Variants in NTM observed in about 807,000 individuals in gnomAD.
The protein encoded by NTM is IgLON family member 2.
In NTM, 13 loss-of-function variants were observed where a neutral mutation model predicts 42.1. That is an observed-to-expected ratio of 0.31 (90% CI 0.20 to 0.49). The LOEUF (loss-of-function observed/expected upper bound fraction) is 0.49. Among genes scored for constraint, NTM ranks in the 20% least tolerant of loss-of-function variants. The pLI is 0.99. For synonymous variants in NTM, 187 were observed against 179.2 expected, an observed-to-expected ratio of 1.04 and a Z score of -0.35; for missense variants, 373 against 452.8, an observed-to-expected ratio of 0.82 and a Z score of 1.60.
At chr11:131,403,752 A>G (rs1469653300) in intron 1 of NTM, among the ~76,000 whole-genome samples, 2 of 152,192 alleles carry the variant, frequency 1.3e-5, no homozygotes, top group Non-Finnish European at 2.9e-5. Context: ...TGAATGACTC[A>G]TATTTCATTG....
At chr11:131,671,002 C>T (rs569398326) in intron 1 of NTM, among the ~76,000 whole-genome samples, 1 of 152,262 alleles carries the variant, frequency 6.6e-6, no homozygotes, top group African/African-American at 2.4e-5. Flanking sequence ...TCGGCAGAGG[C>T]TCCCCTCTTC....
chr11:131,585,028 T>C (rs1409711161), intron 1 of NTM, among the ~76,000 whole-genome samples: 1 of 152,220 alleles, frequency 6.6e-6, no homozygotes, highest in Non-Finnish European at 1.5e-5. Context: ...AGTGACGTTC[T>C]GTTTTGTTCT....
At chr11:131,545,044 A>G (rs1246642765) in intron 1 of NTM, among the ~76,000 whole-genome samples, 1 of 152,114 alleles carries the variant, frequency 6.6e-6, no homozygotes, top group Non-Finnish European at 1.5e-5. Context: ...CAAGGGTAAT[A>G]TGTCTTCTAT....
At chr11:131,477,602 C>T (rs1953090331) in intron 1 of NTM, among the ~76,000 whole-genome samples, 1 of 151,832 alleles carries the variant, frequency 6.6e-6, no homozygotes, top group South Asian at 2.1e-4. Flanking sequence ...TCATATCCAC[C>T]CTGTTCTCCT....
chr11:131,741,899 A>G (rs563700467), intron 1 of NTM, among the ~76,000 whole-genome samples: 2 of 152,316 alleles, frequency 1.3e-5, no homozygotes, highest in African/African-American at 4.8e-5. Flanking sequence ...TAGCCATAAT[A>G]AGGACTGAGA....
chr11:131,407,759 C>T (rs1345100819), intron 1 of NTM, among the ~76,000 whole-genome samples: 1 of 152,196 alleles, frequency 6.6e-6, no homozygotes, highest in South Asian at 2.1e-4. Context: ...GGCTTTGCAG[C>T]TGGAACCAGG....
intron 4 of NTM, among the ~76,000 whole-genome samples, chr11:132,232,840 A>G (rs2087908839): frequency 6.6e-6 from 1 of 152,226 alleles, no homozygotes; most frequent in Admixed American, 6.5e-5. Flanking sequence ...AGGTGTTTTT[A>G]CATTTTTGCA....
intron 1 of NTM, among the ~76,000 whole-genome samples, chr11:131,620,815 A>C (rs1237311347): frequency 6.6e-6 from 1 of 152,116 alleles, no homozygotes; most frequent in African/African-American, 2.4e-5. Flanking sequence ...ATTATCTGTC[A>C]CTTAGGCTAA....
At chr11:132,235,375 T>G (rs1452792628) in intron 4 of NTM, among the ~76,000 whole-genome samples, 1 of 152,104 alleles carries the variant, frequency 6.6e-6, no homozygotes, top group Non-Finnish European at 1.5e-5. Context: ...TGCATGTGTG[T>G]GTCCAGTCAT....
intron 2 of NTM, among the ~76,000 whole-genome samples, chr11:131,959,178 C>G (rs1236278837): frequency 6.6e-6 from 1 of 152,184 alleles, no homozygotes; most frequent in Non-Finnish European, 1.5e-5. Context: ...ATTTAGCAAA[C>G]TCAAATCTTT....
At chr11:131,694,734 A>G (rs369066849) in intron 1 of NTM, among the ~76,000 whole-genome samples, 3 of 152,304 alleles carry the variant, frequency 2.0e-5, no homozygotes, top group South Asian at 4.2e-4. Flanking sequence ...CTGAAGGAGC[A>G]GATTTGGTTT....
intron 1 of NTM, among the ~76,000 whole-genome samples, chr11:131,890,955 G>T (rs2051237144): frequency 6.6e-6 from 1 of 152,154 alleles, no homozygotes; most frequent in Non-Finnish European, 1.5e-5. Flanking sequence ...TGATTTCAGG[G>T]TGCAAATGAA....
intron 4 of NTM, among the ~76,000 whole-genome samples, chr11:132,306,813 G>A (rs900342500): frequency 9.9e-5 from 15 of 152,208 alleles, no homozygotes; most frequent in African/African-American, 2.2e-4. Flanking sequence ...GCAAGGAAGC[G>A]AAGGCTCAGG....
chr11:132,317,540 C>T (rs761632609), intron 7 of NTM: 16 of 458,916 alleles, frequency 3.5e-5, no homozygotes, highest in Non-Finnish European at 5.8e-5. Flanking sequence ...TATAATCCCC[C>T]AGAAATGTCT....
rs547664810 is a variant in NTM at position 131,594,749 on chromosome 11, CA to C, written c.82+223863del. ...AATTCTCCTTCTGATGAAAATATTG[CA>C]ACATCTTGCAGGGAGGTAGAAGGAA... On this transcript the variant is annotated intron_variant, in intron 1 of 8. Coordinates refer to ENST00000683400, the MANE Select transcript of NTM (RefSeq NM_001352005.2). Among the ~76,000 whole-genome samples the C allele has an allele frequency of 6.3e-3, 952 of 152,224 alleles. 5 individuals are homozygous for C. Among genetic ancestry groups the C allele is most frequent in the Non-Finnish European group, 0.011 (715 of 68,016 alleles).
chr11:131,724,976 A>G (rs534992257), intron 1 of NTM, among the ~76,000 whole-genome samples: 1 of 152,288 alleles, frequency 6.6e-6, no homozygotes, highest in East Asian at 1.9e-4. Context: ...GCCATGGGGT[A>G]GGTTTACTGT....
intron 1 of NTM, chr11:131,773,852 G>A (rs536584878): frequency 1.5e-4 from 33 of 222,720 alleles, no homozygotes; most frequent in Admixed American, 2.6e-4. Flanking sequence ...ACTAAGCAGC[G>A]CATGATCTTC....
chr11:132,102,167 G>A (rs4491236), intron 2 of NTM, among the ~76,000 whole-genome samples: 108,952 of 152,132 alleles, frequency 0.72, 39,830 homozygotes, highest in African/African-American at 0.81. Flanking sequence ...TCCCTTTCAG[G>A]AAACATTACT....
chr11:131,477,201 G>A (rs1953040175), intron 1 of NTM, among the ~76,000 whole-genome samples: 1 of 152,096 alleles, frequency 6.6e-6, no homozygotes, highest in South Asian at 2.1e-4. Context: ...GTGATCACAA[G>A]CAGCAATTAT....
Sources: allele counts gnomAD v4.1 joint callset (sites outside exome capture counted in the v4.1 genomes callset), GRCh38; gene constraint gnomAD v4.1.1; transcripts MANE v1.5; gene names NCBI Gene and HGNC (gene_info 2026-07-23, HGNC 2026-07-21).